SORCS1: variants seen among roughly 807,000 people sequenced by gnomAD.
SORCS1 encodes sortilin related VPS10 domain containing receptor 1, also known as VPS10 domain-containing receptor SorCS1.
A neutral mutation model predicts 146.1 loss-of-function variants in SORCS1; 60 were observed. The ratio of observed to expected loss-of-function variants is 0.41; its 90% confidence interval spans 0.33 to 0.51. The LOEUF (loss-of-function observed/expected upper bound fraction) is 0.51. SORCS1 is among the 20% of genes least tolerant of loss of function. The probability of loss-of-function intolerance (pLI) is 0.21; values close to 1 mark genes in which losing one functional copy is unlikely to be tolerated. For synonymous variants in SORCS1, 637 were observed against 584.0 expected (o/e 1.09, Z -1.31); for missense variants, 1,352 against 1,487.6 (o/e 0.91, Z 1.50).
At chr10:106,642,064 T>C (rs1320362028) in intron 18 of SORCS1, among the ~76,000 whole-genome samples, 2 of 152,232 alleles carry the variant, frequency 1.3e-5, no homozygotes, top group African/African-American at 4.8e-5. Context: ...GACAGTTGAT[T>C]CCTCAGGTCT....
chr10:107,085,250 C>T (rs1194382386), intron 1 of SORCS1, among the ~76,000 whole-genome samples: 2 of 152,160 alleles, frequency 1.3e-5, no homozygotes, highest in Non-Finnish European at 2.9e-5. Flanking sequence ...AACTACATTG[C>T]CTTTTTACAA....
At chr10:106,979,332 A>T (rs952260651) in intron 1 of SORCS1, among the ~76,000 whole-genome samples, 4 of 152,202 alleles carry the variant, frequency 2.6e-5, no homozygotes, top group Admixed American at 6.5e-5. Context: ...TGTGGAACCC[A>T]GAGTCAAGAT....
At chr10:107,043,878 C>T (rs1801004233) in intron 1 of SORCS1, among the ~76,000 whole-genome samples, 1 of 152,204 alleles carries the variant, frequency 6.6e-6, no homozygotes, top group African/African-American at 2.4e-5. Flanking sequence ...TTGAATGGAA[C>T]CAAATCATCT....
intron 5 of SORCS1, among the ~76,000 whole-genome samples, chr10:106,733,302 G>A (rs1168974790): frequency 6.6e-6 from 1 of 152,090 alleles, no homozygotes; most frequent in East Asian, 1.9e-4. Flanking sequence ...AAACCACAGT[G>A]TTTCCAATGA....
At chr10:107,039,148 T>C (rs1589992730) in intron 1 of SORCS1, among the ~76,000 whole-genome samples, 1 of 151,436 alleles carries the variant, frequency 6.6e-6, no homozygotes, top group Non-Finnish European at 1.5e-5. Flanking sequence ...GCTAACAAGG[T>C]GAAACCCCGT....
At chr10:106,716,029 G>A (rs1464952733) in intron 6 of SORCS1, among the ~76,000 whole-genome samples, 1 of 152,124 alleles carries the variant, frequency 6.6e-6, no homozygotes. Context: ...GTGATTACAG[G>A]AGTGAGCCAC....
chr10:106,800,686 T>G (rs112919332), intron 3 of SORCS1, among the ~76,000 whole-genome samples: 4,633 of 151,978 alleles, frequency 0.03, 183 homozygotes, highest in East Asian at 0.087. Context: ...CACACCCAGC[T>G]AATTTTTTTG....
chr10:106,962,896 G>C (rs952942508), intron 1 of SORCS1, among the ~76,000 whole-genome samples: 1 of 152,086 alleles, frequency 6.6e-6, no homozygotes, highest in Non-Finnish European at 1.5e-5. Flanking sequence ...TCTTACAGCA[G>C]GCCTTAGTGT....
At chr10:106,647,968 A>G (rs1849572818) in intron 18 of SORCS1, among the ~76,000 whole-genome samples, 1 of 152,128 alleles carries the variant, frequency 6.6e-6, no homozygotes, top group Admixed American at 6.5e-5. Flanking sequence ...CCTGTGCTCA[A>G]GTGATTCTCT....
chr10:106,669,486 C>G (rs1851421261), intron 16 of SORCS1, among the ~76,000 whole-genome samples: 1 of 152,088 alleles, frequency 6.6e-6, no homozygotes, highest in Admixed American at 6.6e-5. Flanking sequence ...GCAAATCTTC[C>G]TTGAATACAG....
intron 16 of SORCS1, among the ~76,000 whole-genome samples, 168 bp downstream of exon 16, chr10:106,671,069 C>T (rs1050027232): frequency 6.6e-6 from 1 of 152,090 alleles, no homozygotes; most frequent in African/African-American, 2.4e-5. Flanking sequence ...CTTGATTATC[C>T]CACATACACA....
At chr10:107,027,044 A>G (rs1288460375) in intron 1 of SORCS1, among the ~76,000 whole-genome samples, 1 of 147,328 alleles carries the variant, frequency 6.8e-6, no homozygotes, top group East Asian at 1.9e-4. Context: ...AAAAATATAT[A>G]TATAAATATA....
rs113984628 is a variant in SORCS1, at chr10:106,904,501, G to C, written c.626+52012C>G. 4.1e-3 allele frequency among the ~76,000 whole-genome samples: 631 copies of C among 152,282 alleles called. 7 individuals carry two copies. Among genetic ancestry groups the C allele is most frequent in the African/African-American group, 0.015 (621 of 41,552 alleles). ...AAAAATCACAGCTCTGGGTGTGTGA[G>C]GATTGTAGAGGATTGTTGAGGAGAG... On this transcript the variant is annotated intron_variant, in intron 2 of 25. Coordinates refer to ENST00000263054, the MANE Select transcript of SORCS1 (RefSeq NM_052918.5).
chr10:107,151,903 G>A (rs1413297350), intron 1 of SORCS1, among the ~76,000 whole-genome samples: 2 of 152,226 alleles, frequency 1.3e-5, no homozygotes, highest in Non-Finnish European at 2.9e-5. Flanking sequence ...GGAGCCAAAT[G>A]TTAATCACAA....
At chr10:107,170,595 GC>G in the SORCS1 span, among the ~76,000 whole-genome samples, 1 of 152,174 alleles carries the variant, frequency 6.6e-6, no homozygotes, top group South Asian at 2.1e-4. Context: ...ATGTACAGTA[GC>G]CACTGAAAAA....
chr10:106,836,243 G>A (rs1158106547), intron 2 of SORCS1, among the ~76,000 whole-genome samples: 1 of 151,960 alleles, frequency 6.6e-6, no homozygotes, highest in African/African-American at 2.4e-5. Context: ...GGGAGGCCGA[G>A]GCGGGCAGAT....
At chr10:106,779,155 T>G (rs1441830950) in intron 3 of SORCS1, among the ~76,000 whole-genome samples, 1 of 152,160 alleles carries the variant, frequency 6.6e-6, no homozygotes, top group East Asian at 1.9e-4. Flanking sequence ...AAATCCCACC[T>G]TCTCTATGCA....
intron 1 of SORCS1, among the ~76,000 whole-genome samples, chr10:107,092,082 T>G (rs1164175570): frequency 6.6e-6 from 1 of 152,130 alleles, no homozygotes. Flanking sequence ...GGAAGGAAGA[T>G]AAAAAGATCT....
intron 1 of SORCS1, among the ~76,000 whole-genome samples, chr10:107,038,303 C>T (rs1321799670): frequency 3.5e-4 from 52 of 147,126 alleles, no homozygotes; most frequent in Admixed American, 3.3e-3. Flanking sequence ...GTAGGAAAAA[C>T]GTAGGGAGAA....
Sources: allele counts gnomAD v4.1 joint callset (sites outside exome capture counted in the v4.1 genomes callset), GRCh38; gene constraint gnomAD v4.1.1; transcripts MANE v1.5; gene names NCBI Gene and HGNC (gene_info 2026-07-23, HGNC 2026-07-21).